The following PACRG variants were observed in gnomAD, a reference collection of about 807,000 sequenced individuals.
The protein encoded by PACRG is parkin coregulated.
A neutral mutation model predicts 29.7 loss-of-function variants in PACRG; 29 were observed. The ratio of observed to expected loss-of-function variants is 0.98; its 90% CI spans 0.73 to 1.33. The LOEUF is 1.33. Among genes scored for constraint, PACRG ranks in the 40% most tolerant of loss-of-function variants. PACRG has a pLI of 0.00. For synonymous variants in PACRG, 116 were observed against 118.7 expected (o/e 0.98, Z 0.15); for missense variants, 279 against 316.2 (o/e 0.88, Z 0.89).
chr6:163,062,588 A>G (rs1355260678), intron 3 of PACRG, among the ~76,000 whole-genome samples: 1 of 152,330 alleles, frequency 6.6e-6, no homozygotes, highest in Middle Eastern at 3.4e-3. Flanking sequence ...ATAAGCATTA[A>G]CATTAACTTA....
chr6:163,028,955 C>T (rs1416462017), intron 2 of PACRG, among the ~76,000 whole-genome samples: 1 of 152,236 alleles, frequency 6.6e-6, no homozygotes, highest in Non-Finnish European at 1.5e-5. Context: ...GCAAAAGGGA[C>T]ATGGCAGATG....
chr6:162,889,526 C>T (rs549353781), intron 2 of PACRG, among the ~76,000 whole-genome samples: 50 of 152,322 alleles, frequency 3.3e-4, no homozygotes, highest in Non-Finnish European at 4.7e-4. Flanking sequence ...CTGTCTAAAT[C>T]AGCCTTGTCA....
intron 2 of PACRG, among the ~76,000 whole-genome samples, chr6:162,872,412 C>T (rs1257628633): frequency 2.0e-5 from 3 of 152,080 alleles, no homozygotes; most frequent in South Asian, 2.1e-4. Flanking sequence ...TATAAACTTA[C>T]GCCAACAAAA....
At position 162,792,220 on chromosome 6, in the gene PACRG, G is replaced by A. The variant is rs115284138; in HGVS notation, c.157-21927G>A. 4.1e-3 allele frequency among the ~76,000 whole-genome samples: 630 copies of A among 152,230 alleles called. 2 individuals are homozygous for A. The highest frequency in any genetic ancestry group is 0.014 in the African/African-American group (601 of 41,538). ...ATCTGCAAAGCACAGCAAACTAAGG[G>A]TGGGTTAAGGGAGTTCAGGGTGAGT... On this transcript the variant is annotated intron_variant, in intron 1 of 4. Transcript: ENST00000366888.
chr6:162,817,147 C>T (rs1291374049), intron 2 of PACRG, among the ~76,000 whole-genome samples: 9 of 152,160 alleles, frequency 5.9e-5, no homozygotes, highest in Non-Finnish European at 1.2e-4. Flanking sequence ...CTGTAAACCC[C>T]GGCACAGGCT....
intron 2 of PACRG, among the ~76,000 whole-genome samples, chr6:162,950,450 G>A (rs937491496): frequency 6.6e-6 from 1 of 152,306 alleles, no homozygotes; most frequent in South Asian, 2.1e-4. Context: ...GGAGCTTGCA[G>A]TGAGCCAAGA....
chr6:163,135,784 G>C (rs761584124), intron 4 of PACRG, among the ~76,000 whole-genome samples: 1 of 152,176 alleles, frequency 6.6e-6, no homozygotes, highest in Non-Finnish European at 1.5e-5. Context: ...TGCATCGCTC[G>C]ACAAGCCGGC....
chr6:162,966,602 G>C (rs1801046802), intron 2 of PACRG, among the ~76,000 whole-genome samples: 1 of 151,098 alleles, frequency 6.6e-6, no homozygotes, highest in Non-Finnish European at 1.5e-5. Context: ...TCAGTCTCAT[G>C]AGCAGCTGGG....
chr6:163,123,352 C>T (rs1345726293), intron 4 of PACRG, among the ~76,000 whole-genome samples: 1 of 152,206 alleles, frequency 6.6e-6, no homozygotes, highest in Non-Finnish European at 1.5e-5. Context: ...TCGGGTGGAC[C>T]TGGTTTTTAG....
intron 4 of PACRG, among the ~76,000 whole-genome samples, chr6:163,096,670 A>G (rs541726656): frequency 6.6e-6 from 1 of 152,130 alleles, no homozygotes; most frequent in East Asian, 1.9e-4. Context: ...ATTTTTCAGG[A>G]GTTCTACTTG....
intron 4 of PACRG, among the ~76,000 whole-genome samples, chr6:163,256,178 T>A (rs1783098731): frequency 6.6e-6 from 1 of 152,248 alleles, no homozygotes; most frequent in South Asian, 2.1e-4. Flanking sequence ...TTTTCTCTAA[T>A]GTGCTATATC....
intron 1 of PACRG, among the ~76,000 whole-genome samples, chr6:162,749,694 A>G (rs1584234007): frequency 6.6e-6 from 1 of 151,756 alleles, no homozygotes. Context: ...CTGATTTTGT[A>G]TTTTCAGTAG....
chr6:162,999,848 G>A (rs933277872), intron 2 of PACRG, among the ~76,000 whole-genome samples: 41 of 152,154 alleles, frequency 2.7e-4, no homozygotes, highest in African/African-American at 8.7e-4. Context: ...GCAGTCTTTA[G>A]TGTGAAATCC....
intron 4 of PACRG, among the ~76,000 whole-genome samples, chr6:163,188,534 T>A (rs1178943061): frequency 6.6e-6 from 1 of 152,160 alleles, no homozygotes; most frequent in African/African-American, 2.4e-5. Context: ...TGAAGGCTCA[T>A]CTCTTGGGAA....
rs139620421 is a variant in PACRG at position 162,820,061 on chromosome 6, T to C, written c.291+5780T>C. 3.5e-3 allele frequency among the ~76,000 whole-genome samples: 539 copies of C among 152,356 alleles called. 3 individuals carry two copies. Among genetic ancestry groups the C allele is most frequent in the African/African-American group, 0.012 (499 of 41,578 alleles). On this transcript the variant is annotated intron_variant, in intron 2 of 4. Transcript: ENST00000366888. ...TGCTCTTTAGGTTATACACGAATGC[T>C]TTCCAATGACTACTCATCCCTTAAA... is the stretch of plus-strand genomic sequence containing the variant.
intron 4 of PACRG, among the ~76,000 whole-genome samples, chr6:163,215,918 A>G (rs1408703699): frequency 6.6e-6 from 1 of 152,178 alleles, no homozygotes; most frequent in Non-Finnish European, 1.5e-5. Flanking sequence ...AGCAAAAGCG[A>G]TTTCCAGGAA....
chr6:163,183,492 T>A (rs1779769019), intron 4 of PACRG: 1 of 152,114 alleles, frequency 6.6e-6, no homozygotes, highest in Non-Finnish European at 1.5e-5. Flanking sequence ...GAACTCACCC[T>A]GTGCCTCTCT....
At chr6:163,000,101 G>A (rs1804444215) in intron 2 of PACRG, among the ~76,000 whole-genome samples, 1 of 152,130 alleles carries the variant, frequency 6.6e-6, no homozygotes, top group South Asian at 2.1e-4. Flanking sequence ...TAAGATCCTT[G>A]TCCTGGGTTA....
chr6:163,115,451 A>T (rs1170719984), intron 4 of PACRG, among the ~76,000 whole-genome samples: 1 of 152,150 alleles, frequency 6.6e-6, no homozygotes, highest in African/African-American at 2.4e-5. Flanking sequence ...GCATCCTAAG[A>T]GTGATGGATT....
Sources: allele counts gnomAD v4.1 joint callset (sites outside exome capture counted in the v4.1 genomes callset), GRCh38; gene constraint gnomAD v4.1.1; transcripts MANE v1.5; gene names NCBI Gene and HGNC (gene_info 2026-07-23, HGNC 2026-07-21).